Variants in PRMT8 observed in about 807,000 individuals in gnomAD.
PRMT8 encodes the protein protein arginine methyltransferase 8, also known as protein arginine N-methyltransferase 8.
A neutral mutation model predicts 47.1 loss-of-function variants in PRMT8; 7 were observed. The observed-to-expected ratio is 0.15, with a 90% CI of 0.08 to 0.28. The LOEUF (loss-of-function observed/expected upper bound fraction) is 0.28. Among genes scored for constraint, PRMT8 ranks in the 10% least tolerant of loss-of-function variants. The probability of loss-of-function intolerance (pLI) is 1.00; values close to 1 mark genes in which losing one functional copy is unlikely to be tolerated. For synonymous variants in PRMT8, 188 were observed against 186.5 expected, an observed-to-expected ratio of 1.01 and a Z score of -0.07; for missense variants, 237 against 505.4, an observed-to-expected ratio of 0.47 and a Z score of 5.09.
chr12:3,458,959 G>A (rs1049346415), intron 1 of PRMT8, among the ~76,000 whole-genome samples: 7 of 152,200 alleles, frequency 4.6e-5, no homozygotes, highest in Non-Finnish European at 8.8e-5. Context: ...TCATCGGGTT[G>A]GCACTTGTCC....
Position 3,583,334 on chromosome 12 carries a change from A to T in PRMT8, c.979+126A>T. ...GGGTGTTAGCTGGGTGACACCTATC[A>T]ACCCTCTCCAGCCATGGAGGAACCA... is the stretch of plus-strand genomic sequence containing the variant. On this transcript the variant is annotated intron_variant, in intron 8 of 9. Coordinates refer to ENST00000382622, the MANE Select transcript of PRMT8 (RefSeq NM_019854.5). This position sits in a 1 kb window ranked among gnomAD's most constrained non-coding sequence, Gnocchi z 4.7. 2 of 1,045,928 alleles carry T rather than the reference A, an allele frequency of 1.9e-6. No homozygotes were observed. Among genetic ancestry groups the T allele is most frequent in the East Asian group, 5.3e-5 (2 of 37,960 alleles). 64.8% of individuals were successfully genotyped at this position (1,045,928 alleles called of 1,614,324 possible).
chr12:3,587,485 G>A (rs1182910709), intron 8 of PRMT8, among the ~76,000 whole-genome samples: 1 of 151,986 alleles, frequency 6.6e-6, no homozygotes, highest in Non-Finnish European at 1.5e-5. Flanking sequence ...ATGCATATTT[G>A]CATTAATTTG....
At chr12:3,407,808 A>G (rs1346528288) in intron 1 of PRMT8, among the ~76,000 whole-genome samples, 1 of 151,540 alleles carries the variant, frequency 6.6e-6, no homozygotes, top group African/African-American at 2.4e-5. Flanking sequence ...TACTTTTTTC[A>G]TTCTCTTTTC....
At chr12:3,381,581 G>A (rs553891703) in intron 1 of PRMT8, 2 of 770,878 alleles carry the variant, frequency 2.6e-6, no homozygotes, top group Non-Finnish European at 4.3e-6. Flanking sequence ...CTGTTTCTAA[G>A]TTCATAACAT....
intron 1 of PRMT8, among the ~76,000 whole-genome samples, chr12:3,406,468 G>T (rs1864373691): frequency 6.6e-6 from 1 of 152,150 alleles, no homozygotes; most frequent in African/African-American, 2.4e-5. Context: ...TTGTCAGGCT[G>T]CAAAATTTCC....
chr12:3,427,065 T>C (rs1168917438), intron 1 of PRMT8, among the ~76,000 whole-genome samples: 1 of 152,236 alleles, frequency 6.6e-6, no homozygotes, highest in East Asian at 1.9e-4. Context: ...TTTATAGTCC[T>C]TGGTGTCTTC....
intron 1 of PRMT8, among the ~76,000 whole-genome samples, chr12:3,447,420 A>G (rs571449387): frequency 2.9e-4 from 44 of 152,222 alleles, no homozygotes; most frequent in Admixed American, 2.0e-3. Flanking sequence ...TCTTCTTCAA[A>G]TACTCCATGC....
In PRMT8 at chr12:3,440,333, G is replaced by A. The variant is rs563042592; in HGVS notation, c.48+58891G>A. Among the ~76,000 whole-genome samples, 4 of 152,162 alleles carry A rather than the reference G, an allele frequency of 2.6e-5. No individual in the cohort carries two copies. In the South Asian group the frequency reaches 6.2e-4, roughly 24 times the overall value. Reference sequence around the variant, plus strand: ...AAAAATTAGCCAGGCATGGCAGCACGCGGCTGTAGTCCCAGCTACTTGGGA... The same window carrying A: ...AAAAATTAGCCAGGCATGGCAGCACACGGCTGTAGTCCCAGCTACTTGGGA... On this transcript the variant is annotated intron_variant, in intron 1 of 9. Coordinates refer to the PRMT8 transcript ENST00000452611.
intron 7 of PRMT8, among the ~76,000 whole-genome samples, chr12:3,581,729 T>A (rs567705117): frequency 2.6e-5 from 4 of 152,258 alleles, no homozygotes; most frequent in African/African-American, 9.6e-5. Context: ...TTCTTCCCAA[T>A]CAACAGTCAG....
In PRMT8 at chr12:3,576,833, T is replaced by C; in HGVS notation, c.713-38T>C. On this transcript the variant is annotated intron_variant, in intron 6 of 9. Coordinates refer to ENST00000382622, the MANE Select transcript of PRMT8 (RefSeq NM_019854.5). The surrounding 1 kb of genome is among the most constrained non-coding windows in gnomAD (Gnocchi z 4.0). ...GGAGGGTTGGGTGAGCTTCTGGGGG[T>C]CCTGCGCCTGCCTTCACGTCTTGCT... 6.4e-7 allele frequency: 1 copy of C among 1,555,070 alleles called. No individual in the cohort carries two copies. The highest frequency in any genetic ancestry group is 1.4e-5 in the African/African-American group (1 of 73,724).
At chr12:3,562,966 T>C (rs1048242158) in intron 4 of PRMT8, among the ~76,000 whole-genome samples, 3 of 152,106 alleles carry the variant, frequency 2.0e-5, no homozygotes, top group Admixed American at 1.3e-4. Flanking sequence ...TACATTCCCA[T>C]TGATTTCAAC....
chr12:3,533,493 A>T (rs1476283973), intron 1 of PRMT8, among the ~76,000 whole-genome samples: 1 of 152,230 alleles, frequency 6.6e-6, no homozygotes, highest in Admixed American at 6.5e-5. Context: ...AGTGTATTTT[A>T]TGGGTGGCCC....
chr12:3,515,781 G>A (rs1358467737), intron 1 of PRMT8, among the ~76,000 whole-genome samples: 3 of 152,180 alleles, frequency 2.0e-5, no homozygotes, highest in East Asian at 1.9e-4. Context: ...CTTGCTCTGC[G>A]AAACAGGCTG....
intron 1 of PRMT8, among the ~76,000 whole-genome samples, chr12:3,471,948 G>A (rs1472631365): frequency 6.6e-6 from 1 of 152,070 alleles, no homozygotes; most frequent in East Asian, 1.9e-4. Flanking sequence ...TTGAATGAGG[G>A]AAGAGCGGGT....
At chr12:3,553,958 C>G (rs1272042723) in intron 4 of PRMT8, among the ~76,000 whole-genome samples, 1 of 152,170 alleles carries the variant, frequency 6.6e-6, no homozygotes, top group Non-Finnish European at 1.5e-5. Flanking sequence ...AGCTAAATCC[C>G]GAGTTGCCAG....
intron 1 of PRMT8, among the ~76,000 whole-genome samples, chr12:3,513,408 G>A (rs1865742462): frequency 6.6e-6 from 1 of 152,106 alleles, no homozygotes; most frequent in African/African-American, 2.4e-5. Context: ...GCTTGAACAG[G>A]GATTTTATAT....
chr12:3,434,078 G>A (rs962093357), intron 1 of PRMT8, among the ~76,000 whole-genome samples: 2 of 152,218 alleles, frequency 1.3e-5, no homozygotes, highest in African/African-American at 4.8e-5. Flanking sequence ...GAAAAGGAAC[G>A]TGAAGAGCCT....
chr12:3,515,890 T>C (rs1591579774), intron 1 of PRMT8, among the ~76,000 whole-genome samples: 1 of 152,240 alleles, frequency 6.6e-6, no homozygotes, highest in East Asian at 1.9e-4. Flanking sequence ...TGGTGGTTGG[T>C]TTCTCAGGTC....
intron 7 of PRMT8, among the ~76,000 whole-genome samples, chr12:3,582,136 T>C (rs749648236): frequency 1.1e-4 from 16 of 152,204 alleles, no homozygotes; most frequent in Non-Finnish European, 2.2e-4. Context: ...TGGGCCTCAC[T>C]AGAATCTGTC....
Sources: gnomAD v4.1 joint callset for allele counts (sites outside exome capture counted in the v4.1 genomes callset) on GRCh38, gnomAD v4.1.1 for gene constraint, Gnocchi (gnomAD v3.1) non-coding constraint, MANE v1.5 for transcripts, NCBI Gene and HGNC (gene_info 2026-07-23, HGNC 2026-07-21) for gene names.